The following HYAL4 variants were observed in gnomAD, a reference collection of about 807,000 sequenced individuals.
HYAL4 encodes the protein hyaluronidase-4.
HYAL4 carries 37 observed loss-of-function variants against 35.2 expected under a neutral mutation model. The ratio of observed to expected loss-of-function variants is 1.05; its 90% CI spans 0.81 to 1.38. HYAL4 has a LOEUF of 1.38. Ranked by LOEUF, HYAL4 falls within the 40% of genes most tolerant of loss-of-function variation. HYAL4 has a pLI of 0.00. For synonymous variants in HYAL4, 198 were observed against 203.2 expected, an observed-to-expected ratio of 0.97 and a Z score of 0.22; for missense variants, 572 against 572.4, an observed-to-expected ratio of 1.00 and a Z score of 0.01.
At chr7:123,854,549 C>T (rs1275125411) in intron 2 of HYAL4, among the ~76,000 whole-genome samples, 1 of 152,158 alleles carries the variant, frequency 6.6e-6, no homozygotes, top group Non-Finnish European at 1.5e-5. Context: ...GTTTCTTAAT[C>T]CTGAGTTCTA....
In HYAL4 at chr7:123,848,165, T is replaced by C. The variant is rs950233690; in HGVS notation, c.-52+7T>C. On this transcript the variant is annotated splice_region_variant and intron_variant, in intron 2 of 4. Coordinates refer to ENST00000223026, the MANE Select transcript of HYAL4 (RefSeq NM_012269.3). ...GCAGCAAACAAAAGCAAAGGTAAAA[T>C]AGACTTTTTTTTCCTGTTTGTAAAA... 6 of 152,616 alleles carry C rather than the reference T, an allele frequency of 3.9e-5. No individual in the cohort carries two copies. The highest frequency in any genetic ancestry group is 7.4e-5 in the Non-Finnish European group (5 of 68,018). 9.5% of individuals were successfully genotyped at this position (152,616 alleles called of 1,614,324 possible). A position where few individuals can be genotyped will look rare whatever the true frequency, so the allele number is the denominator to read the frequency against.
chr7:123,814,147 C>A, the HYAL4 span: 5 of 152,362 alleles, frequency 3.3e-5, no homozygotes, highest in Non-Finnish European at 7.3e-5. Flanking sequence ...CCATGTGTAA[C>A]CCATGGGTGG....
At chr7:123,827,951 G>T (rs1001757380), upstream of HYAL4, among the ~76,000 whole-genome samples, 2 of 152,150 alleles carry the variant, frequency 1.3e-5, no homozygotes, top group African/African-American at 4.8e-5. Context: ...TATGGATCAA[G>T]GCAGACATTT....
At chr7:123,818,459 T>G in the HYAL4 span, among the ~76,000 whole-genome samples, 126 of 152,308 alleles carry the variant, frequency 8.3e-4, no homozygotes, top group South Asian at 2.1e-3. Flanking sequence ...TTTAACGTGT[T>G]AAGGAAGCCT....
chr7:123,782,307 T>C, the HYAL4 span, among the ~76,000 whole-genome samples: 2 of 152,134 alleles, frequency 1.3e-5, no homozygotes, highest in Non-Finnish European at 2.9e-5. Flanking sequence ...TCCCCAACCA[T>C]ACAACCTTAT....
chr7:123,823,909 T>A, the HYAL4 span, among the ~76,000 whole-genome samples: 1 of 152,124 alleles, frequency 6.6e-6, no homozygotes. Context: ...ATCCCACTGC[T>A]TAAGTGAAAA....
the HYAL4 span, among the ~76,000 whole-genome samples, chr7:123,796,613 G>A: frequency 6.6e-6 from 1 of 152,100 alleles, no homozygotes; most frequent in Non-Finnish European, 1.5e-5. Flanking sequence ...GTGAAAACGT[G>A]TCCACATAAA....
chr7:123,860,750 G>A (rs1806560260), intron 2 of HYAL4, among the ~76,000 whole-genome samples: 1 of 152,138 alleles, frequency 6.6e-6, no homozygotes, highest in Non-Finnish European at 1.5e-5. Flanking sequence ...GAATTTCTTG[G>A]TGAAAGGTTT....
upstream of HYAL4, among the ~76,000 whole-genome samples, chr7:123,844,035 C>T (rs1165551517): frequency 6.6e-6 from 1 of 151,970 alleles, no homozygotes; most frequent in Non-Finnish European, 1.5e-5. Flanking sequence ...AGCTTTGTTC[C>T]ATTGCTGGTG....
chr7:123,772,220 A>G, the HYAL4 span, among the ~76,000 whole-genome samples: 13 of 152,150 alleles, frequency 8.5e-5, no homozygotes, highest in Admixed American at 6.5e-4. Flanking sequence ...AAGCTCCAAT[A>G]TGTTTATATA....
chr7:123,874,431 T>G (rs1289986661), intron 3 of HYAL4, among the ~76,000 whole-genome samples: 1 of 151,600 alleles, frequency 6.6e-6, no homozygotes, highest in African/African-American at 2.4e-5. Flanking sequence ...TGAGGCGGAG[T>G]CTCACCCTGT....
intron 2 of HYAL4, among the ~76,000 whole-genome samples, chr7:123,860,744 T>G (rs1363577226): frequency 6.6e-6 from 1 of 152,208 alleles, no homozygotes; most frequent in Non-Finnish European, 1.5e-5. Flanking sequence ...GAAGCAGAAT[T>G]TCTTGGTGAA....
the HYAL4 span, among the ~76,000 whole-genome samples, chr7:123,794,914 C>T: frequency 6.6e-6 from 1 of 152,212 alleles, no homozygotes; most frequent in South Asian, 2.1e-4. Context: ...ATAGCTTGCA[C>T]TGTGTGCCTG....
intron 1 of HYAL4, among the ~76,000 whole-genome samples, chr7:123,838,045 T>G (rs1013396304): frequency 2.0e-5 from 3 of 152,136 alleles, no homozygotes; most frequent in Non-Finnish European, 4.4e-5. Flanking sequence ...GTAATGGGAT[T>G]GCTGGGTCAA....
chr7:123,791,543 C>T, the HYAL4 span, among the ~76,000 whole-genome samples: 1 of 152,158 alleles, frequency 6.6e-6, no homozygotes. Context: ...TACAAAAACC[C>T]TGGGGCTTAC....
intron 2 of HYAL4, among the ~76,000 whole-genome samples, chr7:123,850,349 C>T (rs1806275681): frequency 6.6e-6 from 1 of 152,100 alleles, no homozygotes. Context: ...TCAGATGATC[C>T]TCCCACTTCA....
chr7:123,858,919 A>C (rs1266026524), intron 2 of HYAL4, among the ~76,000 whole-genome samples: 1 of 152,222 alleles, frequency 6.6e-6, no homozygotes. Flanking sequence ...TGTTGTAAAC[A>C]CACCAGGGTA....
At chr7:123,859,809 A>C (rs1009586360) in intron 2 of HYAL4, among the ~76,000 whole-genome samples, 3 of 152,198 alleles carry the variant, frequency 2.0e-5, no homozygotes, top group East Asian at 3.9e-4. Flanking sequence ...CTGTTACAGC[A>C]ACATATTACA....
At chr7:123,808,433 G>A in the HYAL4 span, among the ~76,000 whole-genome samples, 1 of 122,380 alleles carries the variant, frequency 8.2e-6, no homozygotes, top group Non-Finnish European at 2.1e-5. Flanking sequence ...GTGTGTGTGT[G>A]TGTGTGTGTG....
Sources: allele counts gnomAD v4.1 joint callset (sites outside exome capture counted in the v4.1 genomes callset), GRCh38; gene constraint gnomAD v4.1.1; transcripts MANE v1.5; gene names NCBI Gene and HGNC (gene_info 2026-07-23, HGNC 2026-07-21).